The following VPS13D variants were observed in gnomAD, a reference collection of about 807,000 sequenced individuals.
The protein encoded by VPS13D is intermembrane lipid transfer protein VPS13D.
A neutral mutation model predicts 461.9 loss-of-function variants in VPS13D; 187 were observed. The observed-to-expected ratio is 0.40, with a 90% confidence interval of 0.36 to 0.46. The LOEUF (loss-of-function observed/expected upper bound fraction) is 0.46, where lower values mean the gene tolerates loss of function less well. Among genes scored for constraint, VPS13D ranks in the 20% least tolerant of loss-of-function variants. VPS13D has a pLI of 0.60. For synonymous variants in VPS13D, 1,951 were observed against 1,986.3 expected (o/e 0.98, Z 0.47); for missense variants, 4,711 against 5,364.9 (o/e 0.88, Z 3.81).
Position 12,448,557 on chromosome 1 carries a change from C to A in VPS13D, c.12334-7441C>A, listed in dbSNP as rs1369232697. ...CAAAAAGTCCTACACTGGGTCCTAGCTGATGAAGAGCTGAAAGGCAGGACA... is the reference window on the plus strand; with the variant it reads ...CAAAAAGTCCTACACTGGGTCCTAGATGATGAAGAGCTGAAAGGCAGGACA... On this transcript the variant is annotated intron_variant, in intron 65 of 69. Coordinates refer to ENST00000620676, the MANE Select transcript of VPS13D (RefSeq NM_015378.4). 1.1e-4 allele frequency among the ~76,000 whole-genome samples: 16 copies of A among 152,192 alleles called. 1 individual carries two copies. The highest frequency in any genetic ancestry group is 1.0e-3 in the Admixed American group (16 of 15,278).
At chr1:12,414,225 A>G (rs1644767274) in intron 63 of VPS13D, among the ~76,000 whole-genome samples, 1 of 151,874 alleles carries the variant, frequency 6.6e-6, no homozygotes, top group African/African-American at 2.4e-5. Flanking sequence ...TCAAGGCCGC[A>G]GTGAGCTGTG....
chr1:12,476,659 G>A (rs950730487), intron 67 of VPS13D, among the ~76,000 whole-genome samples: 1 of 152,126 alleles, frequency 6.6e-6, no homozygotes, highest in African/African-American at 2.4e-5. Context: ...CTACCTCTTT[G>A]TTGCCTTTTA....
At chr1:12,322,833 T>C in intron 34 of VPS13D, 87 bp downstream of exon 34, 1 of 1,102,350 alleles carries the variant, frequency 9.1e-7, no homozygotes, top group Non-Finnish European at 1.3e-6. Context: ...CACAACTAAA[T>C]TGTACACAGT....
chr1:12,392,022 G>A (rs1644433119), intron 60 of VPS13D, among the ~76,000 whole-genome samples: 2 of 151,946 alleles, frequency 1.3e-5, no homozygotes, highest in Non-Finnish European at 1.5e-5. Flanking sequence ...TGCCACACTT[G>A]GCTGATTTTT....
chr1:12,393,081 A>T (rs1213916573), intron 60 of VPS13D, among the ~76,000 whole-genome samples: 1 of 152,218 alleles, frequency 6.6e-6, no homozygotes, highest in Non-Finnish European at 1.5e-5. Flanking sequence ...GGCAGGCCAC[A>T]CACCACTAGA....
chr1:12,334,010 A>G (rs1175698718), intron 38 of VPS13D, among the ~76,000 whole-genome samples: 1 of 152,182 alleles, frequency 6.6e-6, no homozygotes, highest in African/African-American at 2.4e-5. Flanking sequence ...TGATTTATTG[A>G]TCTACTTGAT....
At chr1:12,426,278 C>T (rs1644924053) in intron 65 of VPS13D, among the ~76,000 whole-genome samples, 1 of 152,168 alleles carries the variant, frequency 6.6e-6, no homozygotes, top group Non-Finnish European at 1.5e-5. Context: ...GGAAGCAGAG[C>T]AGAGCTTTGG....
At position 12,365,520 on chromosome 1, in the gene VPS13D, A is replaced by G. The variant is rs555662748; in HGVS notation, c.10448+2273A>G. On this transcript the variant is annotated intron_variant, in intron 52 of 69. Coordinates refer to ENST00000620676, the MANE Select transcript of VPS13D (RefSeq NM_015378.4). Reference sequence around the variant, plus strand: ...GGAGTTCCAGACCAGTCTGACCAACATGGTGAAACCCCATGTCTACTGAAA... The same window carrying G: ...GGAGTTCCAGACCAGTCTGACCAACGTGGTGAAACCCCATGTCTACTGAAA... 3.3e-5 allele frequency among the ~76,000 whole-genome samples: 5 copies of G among 152,266 alleles called. No homozygotes were observed. In the South Asian group the frequency reaches 8.3e-4, roughly 25 times the overall value.
chr1:12,483,721 C>T (rs1394543405), intron 67 of VPS13D, among the ~76,000 whole-genome samples: 1 of 152,164 alleles, frequency 6.6e-6, no homozygotes, highest in East Asian at 1.9e-4. Flanking sequence ...AGGCTTCAGC[C>T]AGGCACGGTG....
chr1:12,363,135 C>T lies in VPS13D; in HGVS notation c.10336C>T (p.Pro3446Ser), dbSNP rs1174063745. The change falls in exon 52 of 70, where the codon CCT (proline) becomes TCT (serine). Residue 3446 changes from proline (P) to serine (S), a missense_variant. Around this residue, in one of 3 missense-constraint regions of VPS13D, gnomAD observed 4,411 missense variants for 4,937.8 expected, o/e 0.89. Transcript: ENST00000620676. ...TGGTTCCAGTGTGGTGTTCCACTGGCCTCGGAATGACTATGATCAGCTATT... is the reference window on the plus strand; with the variant it reads ...TGGTTCCAGTGTGGTGTTCCACTGGTCTCGGAATGACTATGATCAGCTATT... ...LPGSSVVFHW[P>S]RNDYDQLLCV... is the part of the protein sequence containing the mutation. 6.2e-7 allele frequency: 1 copy of T among 1,614,216 alleles called. No homozygotes were observed. Among genetic ancestry groups the T allele is most frequent in the Non-Finnish European group, 8.5e-7 (1 of 1,180,038 alleles).
In VPS13D at chr1:12,343,039, A is replaced by G. The variant is rs1643604958; in HGVS notation, c.8873A>G (p.Lys2958Arg). 1 of 1,612,966 alleles carries G rather than the reference A, an allele frequency of 6.2e-7. No individual in the cohort carries two copies. The highest frequency in any genetic ancestry group is 8.5e-7 in the Non-Finnish European group (1 of 1,179,152). ...CCCTTTGAATTTGAAGCAAGAGGAA[A>G]GTTAAGACACAGGTAAAGTATGGTT... ...EIPFEFEARG[K>R]LRHRHTHDLR... The change falls in exon 42 of 70, where the codon AAG becomes AGG. Residue 2958 changes from lysine to arginine, a missense_variant. This residue lies in a region of VPS13D where 4,411 missense variants were observed against 4,937.8 expected (regional missense o/e 0.89). Coordinates refer to ENST00000620676, the MANE Select transcript of VPS13D (RefSeq NM_015378.4).
chr1:12,247,755 A>G (rs1465101727), intron 5 of VPS13D, among the ~76,000 whole-genome samples: 1 of 150,520 alleles, frequency 6.6e-6, no homozygotes, highest in East Asian at 2.0e-4. Flanking sequence ...TCAGGCTGGA[A>G]TGTGGTGGCG....
intron 19 of VPS13D, among the ~76,000 whole-genome samples, chr1:12,278,605 T>G (rs1641688570): frequency 6.6e-6 from 1 of 152,172 alleles, no homozygotes; most frequent in Non-Finnish European, 1.5e-5. Context: ...TGTTCCAGCT[T>G]GAAACTGTAT....
chr1:12,352,996 A>AAAAAG, intron 46 of VPS13D, among the ~76,000 whole-genome samples: 1 of 147,430 alleles, frequency 6.8e-6, no homozygotes, highest in Non-Finnish European at 1.5e-5. Context: ...AAAAAAAAAA[A>AAAAAG]GGACCCAGCA....
At chr1:12,464,679 C>A (rs2100428425) in intron 67 of VPS13D, among the ~76,000 whole-genome samples, 1 of 151,486 alleles carries the variant, frequency 6.6e-6, no homozygotes, top group East Asian at 1.9e-4. Flanking sequence ...CTGAAATTTC[C>A]AGGCAACCCA....
intron 67 of VPS13D, among the ~76,000 whole-genome samples, chr1:12,481,426 C>A (rs184682694): frequency 6.6e-6 from 1 of 152,162 alleles, no homozygotes; most frequent in Non-Finnish European, 1.5e-5. Context: ...TTATATATAT[C>A]GATTTCCAGG....
intron 10 of VPS13D, among the ~76,000 whole-genome samples, chr1:12,259,842 A>G (rs1641048572): frequency 6.6e-6 from 1 of 152,110 alleles, no homozygotes; most frequent in South Asian, 2.1e-4. Context: ...TACATGAAGT[A>G]TAAAAGAGCT....
At chr1:12,492,678 G>A (rs544292316) in intron 67 of VPS13D, among the ~76,000 whole-genome samples, 21 of 152,306 alleles carry the variant, frequency 1.4e-4, no homozygotes, top group South Asian at 4.1e-4. Flanking sequence ...CAGGAAACAC[G>A]TACAGGAATG....
At chr1:12,401,922 G>T (rs768965592) in intron 62 of VPS13D, among the ~76,000 whole-genome samples, 1 of 152,206 alleles carries the variant, frequency 6.6e-6, no homozygotes, top group Non-Finnish European at 1.5e-5. Flanking sequence ...CATTCAGAGG[G>T]TCTTCTGGAA....
Sources: gnomAD v4.1 joint callset for allele counts (sites outside exome capture counted in the v4.1 genomes callset) on GRCh38, gnomAD v4.1.1 for gene constraint, gnomAD v4.1.1 regional missense constraint, MANE v1.5 for transcripts, NCBI Gene and HGNC (gene_info 2026-07-23, HGNC 2026-07-21) for gene names.